Variants in ARHGEF12 observed in about 807,000 individuals in gnomAD.
ARHGEF12 encodes KMT2A/ARHGEF12 fusion protein.
A neutral mutation model predicts 211.2 loss-of-function variants in ARHGEF12; 66 were observed. The ratio of observed to expected loss-of-function variants is 0.31; its 90% CI spans 0.26 to 0.38. The LOEUF (loss-of-function observed/expected upper bound fraction) is 0.38, where lower values mean the gene tolerates loss of function less well. ARHGEF12 is among the 10% of genes least tolerant of loss of function. ARHGEF12 has a pLI of 1.00. For synonymous variants in ARHGEF12, 592 were observed against 638.4 expected, an observed-to-expected ratio of 0.93 and a Z score of 1.09; for missense variants, 1,429 against 1,869.5, an observed-to-expected ratio of 0.76 and a Z score of 4.34.
intron 1 of ARHGEF12, among the ~76,000 whole-genome samples, chr11:120,390,820 C>T (rs189060030): frequency 1.3e-5 from 2 of 152,126 alleles, no homozygotes; most frequent in Non-Finnish European, 2.9e-5. Flanking sequence ...GCTCCCTCTT[C>T]TACTAGTTAT....
chr11:120,381,350 A>G (rs968877368), intron 1 of ARHGEF12, among the ~76,000 whole-genome samples: 3 of 152,212 alleles, frequency 2.0e-5, no homozygotes, highest in African/African-American at 7.2e-5. Context: ...TTGTCTGACC[A>G]TAAGAAACCT....
At chr11:120,482,149 TGAA>T (rs1947264174) in intron 39 of ARHGEF12, among the ~76,000 whole-genome samples, 1 of 152,226 alleles carries the variant, frequency 6.6e-6, no homozygotes, top group Non-Finnish European at 1.5e-5. Flanking sequence ...TTTAAGAACC[TGAA>T]ATGCTTCGGG....
intron 5 of ARHGEF12, 128 bp from the exon 6 acceptor site, chr11:120,421,675 A>G: frequency 2.6e-6 from 2 of 765,868 alleles, no homozygotes; most frequent in Non-Finnish European, 4.5e-6. Context: ...TGACCTCGTG[A>G]TCCGCCCGCC....
chr11:120,446,439 A>G lies in ARHGEF12; in HGVS notation c.1382A>G (p.His461Arg). The change falls in exon 17 of 41, where the codon CAT becomes CGT. Residue 461 changes from histidine to arginine, a missense_variant. Transcript: ENST00000397843. The part of the protein sequence containing the change: ...RRPELIPEDL[H>R]RHYIQTMQER... ...CCTGAGCTCATTCCTGAGGATCTGC[A>G]TCGCCACTATATCCAAACTATGCAA... 6.2e-7 allele frequency: 1 copy of G among 1,613,388 alleles called. No individual in the cohort carries two copies. Among genetic ancestry groups the G allele is most frequent in the Non-Finnish European group, 8.5e-7 (1 of 1,179,654 alleles).
At chr11:120,414,545 C>G (rs2135621532) in intron 4 of ARHGEF12, among the ~76,000 whole-genome samples, 1 of 152,234 alleles carries the variant, frequency 6.6e-6, no homozygotes, top group South Asian at 2.1e-4. Context: ...ATAAGTGACT[C>G]TACCTACTTT....
At chr11:120,398,335 TA>T (rs1944452061) in intron 1 of ARHGEF12, among the ~76,000 whole-genome samples, 1 of 152,192 alleles carries the variant, frequency 6.6e-6, no homozygotes, top group East Asian at 1.9e-4. Context: ...TCAGAATTCC[TA>T]AAACACTCAT....
At chr11:120,355,966 G>A (rs1943119664) in intron 1 of ARHGEF12, among the ~76,000 whole-genome samples, 1 of 152,138 alleles carries the variant, frequency 6.6e-6, no homozygotes, top group South Asian at 2.1e-4. Context: ...AATGTAAAAT[G>A]ATATTAAAAG....
rs1273021924 is a variant in ARHGEF12 at position 120,473,137 on chromosome 11, G to A, written c.3033+10G>A. ...TGTTGAAGAGCTCAGGGTGAGAGAT[G>A]GTCTAATCATAATTTAAAAAATAAA... is the stretch of plus-strand genomic sequence containing the variant. On this transcript the variant is annotated intron_variant, in intron 31 of 40. Transcript: ENST00000397843. 1 of 1,609,788 alleles carries A rather than the reference G, an allele frequency of 6.2e-7. No homozygotes were observed. The highest frequency in any genetic ancestry group is 8.5e-7 in the Non-Finnish European group (1 of 1,177,860).
intron 15 of ARHGEF12, among the ~76,000 whole-genome samples, chr11:120,442,465 C>T (rs61900817): frequency 0.025 from 2,346 of 95,018 alleles, 60 homozygotes; most frequent in African/African-American, 0.07. Flanking sequence ...CATATATATA[C>T]ACACACACAC....
At chr11:120,344,282 A>C (rs1010100982) in intron 1 of ARHGEF12, among the ~76,000 whole-genome samples, 5 of 150,586 alleles carry the variant, frequency 3.3e-5, no homozygotes, top group South Asian at 2.1e-4. Flanking sequence ...AAAAAAAAAA[A>C]AAAAAAAAAA....
In ARHGEF12 at chr11:120,336,890, A is replaced by G; in HGVS notation, c.-354A>G. On this transcript the variant is annotated 5_prime_UTR_variant, in exon 1 of 41. Coordinates refer to ENST00000397843, the MANE Select transcript of ARHGEF12 (RefSeq NM_015313.3). ...GGAGCCGACACCCGTCCGTGAGCTG[A>G]TCCCGCCCCAGCCCCGGCGGGAGTC... 1 of 421,318 alleles carries G rather than the reference A, an allele frequency of 2.4e-6. No individual in the cohort carries two copies. Among genetic ancestry groups the G allele is most frequent in the Non-Finnish European group, 4.2e-6 (1 of 239,850 alleles). The allele number at this position is 421,318 out of a possible 1,614,324, so 26.1% of individuals were successfully genotyped here.
At chr11:120,361,574 C>A (rs958802517) in intron 1 of ARHGEF12, among the ~76,000 whole-genome samples, 5 of 152,128 alleles carry the variant, frequency 3.3e-5, no homozygotes, top group Admixed American at 6.5e-5. Context: ...TTGCTGCCAT[C>A]CAGTTTGGGA....
At chr11:120,409,372 C>A (rs747350299) in intron 3 of ARHGEF12, 22 bp from the exon 4 acceptor site, 1 of 1,612,286 alleles carries the variant, frequency 6.2e-7, no homozygotes, top group South Asian at 1.1e-5. Flanking sequence ...TATCTCTCTC[C>A]TTTTCTCCCG....
chr11:120,353,027 A>G (rs1174033701), intron 1 of ARHGEF12, among the ~76,000 whole-genome samples: 1 of 152,258 alleles, frequency 6.6e-6, no homozygotes, highest in East Asian at 1.9e-4. Flanking sequence ...CTAAGAGTCC[A>G]GCAAGCTCAG....
intron 29 of ARHGEF12, among the ~76,000 whole-genome samples, chr11:120,467,968 A>C (rs2135941808): frequency 6.6e-6 from 1 of 152,270 alleles, no homozygotes; most frequent in Admixed American, 6.5e-5. Flanking sequence ...ATCGGTGCCC[A>C]TTTGGCCTAC....
chr11:120,488,323 A>G lies in ARHGEF12; in HGVS notation c.*3246A>G, dbSNP rs1947448738. On this transcript the variant is annotated 3_prime_UTR_variant, in exon 41 of 41. Coordinates refer to ENST00000397843, the MANE Select transcript of ARHGEF12 (RefSeq NM_015313.3). ...CTTTGGTCAGTATTTCCTTCCCTAT[A>G]TGTCACAGAGGGCACCACTGAGAAC... 2 of 214,176 alleles carry G rather than the reference A, an allele frequency of 9.3e-6. No homozygotes were observed. Among genetic ancestry groups the G allele is most frequent in the Admixed American group, 1.2e-4 (2 of 17,158 alleles). The allele number at this position is 214,176 out of a possible 1,614,324, so 13.3% of individuals were successfully genotyped here.
intron 37 of ARHGEF12, among the ~76,000 whole-genome samples, chr11:120,479,665 A>T (rs1293971761): frequency 6.6e-6 from 1 of 152,188 alleles, no homozygotes; most frequent in African/African-American, 2.4e-5. Flanking sequence ...GATATTGGTT[A>T]TTGAGGAGTT....
chr11:120,384,555 A>G (rs1287915410), intron 1 of ARHGEF12, among the ~76,000 whole-genome samples: 1 of 152,192 alleles, frequency 6.6e-6, no homozygotes, highest in Non-Finnish European at 1.5e-5. Context: ...GCAAAATTAC[A>G]TGGCTTCTAG....
At chr11:120,418,672 C>G (rs1422548023) in intron 4 of ARHGEF12, among the ~76,000 whole-genome samples, 7 of 152,170 alleles carry the variant, frequency 4.6e-5, no homozygotes, top group African/African-American at 1.7e-4. Context: ...TCTAAGAGTT[C>G]TAGTTGCTCC....
Sources: gnomAD v4.1 joint callset for allele counts (sites outside exome capture counted in the v4.1 genomes callset) on GRCh38, gnomAD v4.1.1 for gene constraint, MANE v1.5 for transcripts, NCBI Gene and HGNC (gene_info 2026-07-23, HGNC 2026-07-21) for gene names.